The following PARD3 variants were observed in gnomAD, a reference collection of about 807,000 sequenced individuals.
PARD3 encodes partitioning defective 3 homolog.
Under a neutral mutation model 155.4 loss-of-function variants are expected in PARD3, and 75 were observed. The ratio of observed to expected loss-of-function variants is 0.48; its 90% confidence interval spans 0.40 to 0.58. PARD3 has a LOEUF of 0.58. Ranked by LOEUF, PARD3 falls within the 20% of genes least tolerant of loss-of-function variation. PARD3 has a pLI of 0.00. For synonymous variants in PARD3, 576 were observed against 610.5 expected (o/e 0.94, Z 0.83); for missense variants, 1,642 against 1,721.7 (o/e 0.95, Z 0.82).
intron 12 of PARD3, among the ~76,000 whole-genome samples, chr10:34,364,267 A>G (rs1839746120): frequency 6.6e-6 from 1 of 152,208 alleles, no homozygotes; most frequent in Non-Finnish European, 1.5e-5. Context: ...GAGGCAAAAG[A>G]AACATGGAAT....
intron 22 of PARD3, among the ~76,000 whole-genome samples, chr10:34,175,588 G>A (rs1030805357): frequency 3.9e-5 from 6 of 151,918 alleles, no homozygotes; most frequent in African/African-American, 1.2e-4. Flanking sequence ...TTTCACCTGG[G>A]GAAAAATATT....
chr10:34,684,720 A>G (rs530442338), intron 2 of PARD3, among the ~76,000 whole-genome samples: 1 of 150,760 alleles, frequency 6.6e-6, no homozygotes, highest in East Asian at 2.0e-4. Context: ...AAACCTGATC[A>G]CTTAACACCT....
At chr10:34,382,373 A>G (rs940513691) in intron 9 of PARD3, among the ~76,000 whole-genome samples, 167 bp downstream of exon 9, 1 of 152,254 alleles carries the variant, frequency 6.6e-6, no homozygotes, top group African/African-American at 2.4e-5. Flanking sequence ...AATATGTTAA[A>G]AGGTAAGTAA....
chr10:34,479,827 A>G (rs1303349436), intron 3 of PARD3, among the ~76,000 whole-genome samples: 1 of 152,112 alleles, frequency 6.6e-6, no homozygotes, highest in Non-Finnish European at 1.5e-5. Context: ...GTGTCCTGGC[A>G]CCAAGTGTTT....
intron 3 of PARD3, among the ~76,000 whole-genome samples, chr10:34,493,495 G>T (rs756673908): frequency 1.3e-5 from 2 of 152,070 alleles, no homozygotes; most frequent in African/African-American, 4.8e-5. Context: ...ATTTTGGGAG[G>T]CCACGGCAGG....
chr10:34,354,669 C>A (rs374563887), intron 14 of PARD3, among the ~76,000 whole-genome samples: 128 of 152,146 alleles, frequency 8.4e-4, no homozygotes, highest in African/African-American at 2.9e-3. Flanking sequence ...GGCAGATAGA[C>A]TCAAGTGGAA....
At chr10:34,691,669 T>A (rs1048903597) in intron 2 of PARD3, among the ~76,000 whole-genome samples, 2 of 152,170 alleles carry the variant, frequency 1.3e-5, no homozygotes, top group Admixed American at 6.5e-5. Context: ...GCTGGAGGCA[T>A]CACATTACCC....
At chr10:34,246,795 T>C (rs977066191) in intron 22 of PARD3, among the ~76,000 whole-genome samples, 2 of 152,098 alleles carry the variant, frequency 1.3e-5, no homozygotes, top group Non-Finnish European at 2.9e-5. Context: ...GGGCTACGCC[T>C]TGGAAATGGG....
chr10:34,160,283 T>A (rs1239177042), intron 22 of PARD3, among the ~76,000 whole-genome samples: 1 of 152,144 alleles, frequency 6.6e-6, no homozygotes, highest in Non-Finnish European at 1.5e-5. Flanking sequence ...AGTAGTAAGT[T>A]TTGGTTATTT....
intron 2 of PARD3, among the ~76,000 whole-genome samples, chr10:34,621,195 G>GT (rs924036794): frequency 1.1e-3 from 170 of 151,922 alleles, no homozygotes; most frequent in African/African-American, 3.7e-3. Context: ...TTTTGTTTTT[G>GT]TTTTTTTGGG....
chr10:34,111,121 G>A lies in PARD3; in HGVS notation c.*48C>T, dbSNP rs1318764134. 2 of 1,507,244 alleles carry A rather than the reference G, an allele frequency of 1.3e-6. No individual in the cohort carries two copies. The highest frequency in any genetic ancestry group is 1.4e-5 in the South Asian group (1 of 72,456). 93.4% of individuals were successfully genotyped at this position (1,507,244 alleles called of 1,614,324 possible). ...AACTCCCAAAATACAAGTCTTCATA[G>A]GAAAATGTCTTTTATTGCGCGACAT... On this transcript the variant is annotated 3_prime_UTR_variant, in exon 25 of 25. Coordinates refer to ENST00000374788, the MANE Select transcript of PARD3 (RefSeq NM_001184785.2).
intron 22 of PARD3, among the ~76,000 whole-genome samples, chr10:34,228,867 A>G (rs1019286512): frequency 6.6e-6 from 1 of 152,084 alleles, no homozygotes; most frequent in Admixed American, 6.5e-5. Context: ...TTTCTGAGGC[A>G]GGTAACTCTG....
chr10:34,617,146 T>C (rs1449932713), intron 2 of PARD3, among the ~76,000 whole-genome samples: 1 of 151,474 alleles, frequency 6.6e-6, no homozygotes, highest in Admixed American at 6.6e-5. Context: ...TCCCAGCTAC[T>C]CAGGAGGCTG....
chr10:34,192,518 T>C (rs1295891811), intron 22 of PARD3, among the ~76,000 whole-genome samples: 2 of 152,244 alleles, frequency 1.3e-5, no homozygotes, highest in African/African-American at 4.8e-5. Flanking sequence ...CTTTGCTTGT[T>C]GCTTAATGCT....
At chr10:34,627,022 CTTTT>C (rs75287986) in intron 2 of PARD3, among the ~76,000 whole-genome samples, 1 of 143,414 alleles carries the variant, frequency 7.0e-6, no homozygotes. Context: ...AGATACCCAT[CTTTT>C]TTTTTTTTTT....
In PARD3 at chr10:34,341,637, A is replaced by G; in HGVS notation, c.2398T>C (p.Ser800Pro). Residue 800 changes from serine (S) to proline (P), a missense_variant, in exon 16 of 25, where the codon TCA becomes CCA. By Grantham distance (74) the Ser-to-Pro change is moderately conservative (BLOSUM62 -1). Coordinates refer to ENST00000374788, the MANE Select transcript of PARD3 (RefSeq NM_001184785.2). ...GGACGATGAGCTTACCAGTCGGCTGAATCACTGATTGCAGCCTTGGCCCAA... is the reference window on the plus strand; with the variant it reads ...GGACGATGAGCTTACCAGTCGGCTGGATCACTGATTGCAGCCTTGGCCCAA... ...GTWAKAAISD[S>P]ADCSLSPDVD... The G allele has an allele frequency of 6.2e-7, 1 of 1,611,926 alleles. No individual in the cohort carries two copies. The highest frequency in any genetic ancestry group is 8.5e-7 in the Non-Finnish European group (1 of 1,179,156).
intron 20 of PARD3, chr10:34,312,227 TGTC>T (rs1213097704): frequency 1.5e-5 from 24 of 1,552,912 alleles, no homozygotes; most frequent in African/African-American, 2.7e-5. Flanking sequence ...AAACTGCTGA[TGTC>T]GTAAACAAAA....
At chr10:34,456,049 A>G (rs2077321271) in intron 4 of PARD3, among the ~76,000 whole-genome samples, 1 of 152,222 alleles carries the variant, frequency 6.6e-6, no homozygotes, top group South Asian at 2.1e-4. Flanking sequence ...AAGACAAATG[A>G]AAGAGTATGT....
intron 2 of PARD3, among the ~76,000 whole-genome samples, chr10:34,603,824 T>C (rs555525782): frequency 5.2e-4 from 79 of 152,180 alleles, no homozygotes; most frequent in Non-Finnish European, 9.9e-4. Flanking sequence ...AGGCAGTAAG[T>C]TGGTTTAGGC....
Sources: gnomAD v4.1 joint callset for allele counts (sites outside exome capture counted in the v4.1 genomes callset) on GRCh38, gnomAD v4.1.1 for gene constraint, MANE v1.5 for transcripts, NCBI Gene and HGNC (gene_info 2026-07-23, HGNC 2026-07-21) for gene names.